VTI1A: variants seen among roughly 807,000 people sequenced by gnomAD.
VTI1A encodes vesicle transport through interaction with t-SNAREs 1A.
A neutral mutation model predicts 34.9 loss-of-function variants in VTI1A; 22 were observed. The ratio of observed to expected loss-of-function variants is 0.63; its 90% CI spans 0.45 to 0.90. The LOEUF is 0.90. Ranked by LOEUF, VTI1A falls within the 40% of genes least tolerant of loss-of-function variation. VTI1A has a pLI of 0.00. For missense variants in VTI1A, 268 were observed against 275.6 expected, an observed-to-expected ratio of 0.97 and a Z score of 0.20; for synonymous variants, 87 against 97.3, an observed-to-expected ratio of 0.89 and a Z score of 0.62.
At chr10:112,740,702 A>G (rs1850665051) in intron 7 of VTI1A, among the ~76,000 whole-genome samples, 1 of 152,248 alleles carries the variant, frequency 6.6e-6, no homozygotes, top group South Asian at 2.1e-4. Context: ...AGAAATTGGA[A>G]TGCTCATGTG....
intron 7 of VTI1A, among the ~76,000 whole-genome samples, chr10:112,798,101 C>T (rs1852738606): frequency 2.0e-5 from 3 of 152,170 alleles, no homozygotes; most frequent in Non-Finnish European, 4.4e-5. Context: ...CCCTGCAGGG[C>T]GCTCTGACCA....
chr10:112,790,182 A>G (rs1852413527), intron 7 of VTI1A, among the ~76,000 whole-genome samples: 1 of 152,094 alleles, frequency 6.6e-6, no homozygotes, highest in African/African-American at 2.4e-5. Context: ...CTTTGTGTGC[A>G]TAGCTTAGTG....
intron 1 of VTI1A, among the ~76,000 whole-genome samples, chr10:112,459,331 G>A (rs1847650082): frequency 6.6e-6 from 1 of 152,160 alleles, no homozygotes; most frequent in Non-Finnish European, 1.5e-5. Flanking sequence ...TAGACCAATG[G>A]ATGCTAGCAG....
intron 5 of VTI1A, among the ~76,000 whole-genome samples, chr10:112,632,992 C>A (rs1846193190): frequency 6.6e-6 from 1 of 152,124 alleles, no homozygotes; most frequent in South Asian, 2.1e-4. Flanking sequence ...ATATTGATTT[C>A]TTTTTTAAAA....
intron 7 of VTI1A, among the ~76,000 whole-genome samples, chr10:112,763,599 G>A (rs565817374): frequency 6.6e-6 from 1 of 152,296 alleles, no homozygotes; most frequent in South Asian, 2.1e-4. Flanking sequence ...TTATAGCTCT[G>A]AGAAGTAAAT....
At chr10:112,549,898 T>C (rs539030002) in intron 5 of VTI1A, among the ~76,000 whole-genome samples, 7 of 152,200 alleles carry the variant, frequency 4.6e-5, no homozygotes, top group Non-Finnish European at 7.3e-5. Flanking sequence ...GAGGTTATCA[T>C]TTGGGCAAAG....
chr10:112,613,719 A>G (rs1286459956), intron 5 of VTI1A, among the ~76,000 whole-genome samples: 2 of 152,246 alleles, frequency 1.3e-5, no homozygotes, highest in Non-Finnish European at 2.9e-5. Flanking sequence ...TTTAAAAACA[A>G]GGGCTGCCCT....
At chr10:112,558,215 T>G (rs2134320928) in intron 5 of VTI1A, among the ~76,000 whole-genome samples, 1 of 152,196 alleles carries the variant, frequency 6.6e-6, no homozygotes, top group East Asian at 1.9e-4. Context: ...GTGTCAGGAC[T>G]GGGCTTCATC....
At chr10:112,510,364 G>A (rs761971618) in intron 3 of VTI1A, among the ~76,000 whole-genome samples, 2 of 152,142 alleles carry the variant, frequency 1.3e-5, no homozygotes, top group Middle Eastern at 3.2e-3. Context: ...ACCTGGTGTG[G>A]TGGCTTATGG....
At chr10:112,808,739 C>A (rs188985256) in intron 7 of VTI1A, among the ~76,000 whole-genome samples, 2 of 152,052 alleles carry the variant, frequency 1.3e-5, no homozygotes, top group East Asian at 3.9e-4. Context: ...CTTCAGGTTT[C>A]AGGCACACAG....
intron 5 of VTI1A, among the ~76,000 whole-genome samples, chr10:112,637,337 G>A (rs2134649880): frequency 6.6e-6 from 1 of 152,242 alleles, no homozygotes; most frequent in East Asian, 1.9e-4. Context: ...CTCTTCTAAT[G>A]TTTCCTTGTT....
intron 7 of VTI1A, among the ~76,000 whole-genome samples, chr10:112,738,753 G>C (rs939730481): frequency 5.9e-5 from 9 of 152,292 alleles, no homozygotes; most frequent in Admixed American, 1.3e-4. Context: ...AATGAGGGCT[G>C]TCCTCTATTA....
rs1303401698 is a variant in VTI1A, at chr10:112,704,834, G to A, written c.560+35836G>A. ...GTCCAGTAGGGATACAAAGATGATGGTGTTATGGATACCTCTTATGAGGTA... is the reference window on the plus strand; with the variant it reads ...GTCCAGTAGGGATACAAAGATGATGATGTTATGGATACCTCTTATGAGGTA... On this transcript the variant is annotated intron_variant, in intron 7 of 7. Transcript: ENST00000393077. Among the ~76,000 whole-genome samples the A allele has an allele frequency of 2.6e-5, 4 of 151,938 alleles. No homozygotes were observed. In the East Asian group the frequency reaches 7.7e-4, roughly 29 times the overall value.
chr10:112,564,679 C>T (rs1851848611), intron 5 of VTI1A, among the ~76,000 whole-genome samples: 1 of 152,030 alleles, frequency 6.6e-6, no homozygotes, highest in South Asian at 2.1e-4. Flanking sequence ...TAGCAGCCAA[C>T]TCTGCATGAG....
chr10:112,737,768 G>T, intron 7 of VTI1A: 2 of 1,059,390 alleles, frequency 1.9e-6, no homozygotes, highest in East Asian at 5.2e-5. Context: ...CATACTTCTG[G>T]AGATCAAAAA....
chr10:112,734,402 G>A (rs561407134), intron 7 of VTI1A, among the ~76,000 whole-genome samples: 1 of 152,216 alleles, frequency 6.6e-6, no homozygotes, highest in African/African-American at 2.4e-5. Context: ...AAATGCAGGA[G>A]TCCATTCCTC....
chr10:112,682,422 G>A (rs2133861989), intron 7 of VTI1A, among the ~76,000 whole-genome samples: 1 of 152,040 alleles, frequency 6.6e-6, no homozygotes, highest in East Asian at 1.9e-4. Context: ...TTTTCCTTTT[G>A]GAGAAATTAA....
At chr10:112,642,662 A>G (rs753809301) in intron 5 of VTI1A, among the ~76,000 whole-genome samples, 1 of 151,950 alleles carries the variant, frequency 6.6e-6, no homozygotes, top group Non-Finnish European at 1.5e-5. Context: ...TTTGTGAGGC[A>G]TTGTATGGAG....
chr10:112,812,638 A>G (rs2134091461), intron 7 of VTI1A, among the ~76,000 whole-genome samples: 1 of 152,278 alleles, frequency 6.6e-6, no homozygotes, highest in Non-Finnish European at 1.5e-5. Context: ...TTGAGGTCCA[A>G]GGTTGGGGTG....
Sources: allele counts gnomAD v4.1 joint callset (sites outside exome capture counted in the v4.1 genomes callset), GRCh38; gene constraint gnomAD v4.1.1; transcripts MANE v1.5; gene names NCBI Gene and HGNC (gene_info 2026-07-23, HGNC 2026-07-21).